Variants in DSCAM observed in about 807,000 individuals in gnomAD.
DSCAM encodes the protein DS cell adhesion molecule, also known as cell adhesion molecule DSCAM.
DSCAM carries 47 observed loss-of-function variants against 217.7 expected under a neutral mutation model. The observed-to-expected ratio is 0.22, with a 90% CI of 0.17 to 0.28. The LOEUF is 0.28. Among genes scored for constraint, DSCAM ranks in the 10% least tolerant of loss-of-function variants. DSCAM has a pLI of 1.00. For missense variants in DSCAM, 2,080 were observed against 2,618.3 expected (o/e 0.79, Z 4.49); for synonymous variants, 1,056 against 1,015.3 (o/e 1.04, Z -0.76).
Position 40,347,776 on chromosome 21 carries a change from T to G in DSCAM, c.1104A>C (p.Glu368Asp). ...KNVRITGINH[E>D]NLIMDHMVKS... ...TGACCATGTGATCCATTATAAGGTT[T>G]TCGTGGTTGATCCCTGTGATCCTCA... The change falls in exon 6 of 33, where the codon GAA becomes GAC. Residue 368 changes from glutamate to aspartate, a missense_variant. By Grantham distance (45) the Glu-to-Asp change is conservative (BLOSUM62 2). Transcript: ENST00000400454. 1 of 1,614,182 alleles carries G rather than the reference T, an allele frequency of 6.2e-7. No individual in the cohort carries two copies. The highest frequency in any genetic ancestry group is 8.5e-7 in the Non-Finnish European group (1 of 1,180,016).
intron 1 of DSCAM, among the ~76,000 whole-genome samples, chr21:40,758,093 G>C (rs939193453): frequency 6.6e-6 from 1 of 152,170 alleles, no homozygotes; most frequent in African/African-American, 2.4e-5. Context: ...GGGAGAACAC[G>C]GTATGATAGA....
intron 20 of DSCAM, among the ~76,000 whole-genome samples, chr21:40,113,067 G>A (rs1196795010): frequency 6.6e-6 from 1 of 152,168 alleles, no homozygotes; most frequent in Non-Finnish European, 1.5e-5. Context: ...CTCATTTTAT[G>A]AGGCCAGCAT....
At chr21:40,446,501 A>G (rs934374373) in intron 3 of DSCAM, among the ~76,000 whole-genome samples, 9 of 152,158 alleles carry the variant, frequency 5.9e-5, no homozygotes, top group African/African-American at 2.2e-4. Context: ...TCCGTTAAGC[A>G]CCCAGGGCCC....
chr21:40,376,490 G>A (rs1219917624), intron 3 of DSCAM, among the ~76,000 whole-genome samples: 2 of 103,082 alleles, frequency 1.9e-5, no homozygotes, highest in African/African-American at 3.9e-5. Context: ...ATCTTATATA[G>A]ATATCTATAT....
intron 8 of DSCAM, among the ~76,000 whole-genome samples, chr21:40,329,953 T>C (rs930609681): frequency 2.6e-5 from 4 of 151,930 alleles, no homozygotes; most frequent in Admixed American, 2.6e-4. Context: ...AGATCTATTG[T>C]ACAACATGGT....
At chr21:40,697,416 A>C (rs1276003127) in intron 2 of DSCAM, among the ~76,000 whole-genome samples, 5 of 152,110 alleles carry the variant, frequency 3.3e-5, no homozygotes, top group Admixed American at 3.3e-4. Flanking sequence ...GCCCAGACTA[A>C]TTTTCTATAG....
intron 3 of DSCAM, among the ~76,000 whole-genome samples, chr21:40,402,392 A>G (rs1227508252): frequency 6.6e-6 from 1 of 151,886 alleles, no homozygotes; most frequent in African/African-American, 2.4e-5. Flanking sequence ...TTTAAGACAA[A>G]TGGTATTAGA....
At chr21:40,083,792 G>A (rs769645428) in intron 24 of DSCAM, 116 bp downstream of exon 24, 203 of 651,332 alleles carry the variant, frequency 3.1e-4, no homozygotes, top group Non-Finnish European at 4.7e-4. Context: ...TTTATATGAC[G>A]TATTTTTGGG....
At chr21:40,705,354 C>A (rs1218141068) in intron 2 of DSCAM, among the ~76,000 whole-genome samples, 5 of 152,194 alleles carry the variant, frequency 3.3e-5, no homozygotes, top group Non-Finnish European at 7.3e-5. Flanking sequence ...TCCTCTACTG[C>A]CTGAGGTCCA....
At chr21:40,650,249 G>T (rs2089996801) in intron 3 of DSCAM, among the ~76,000 whole-genome samples, 1 of 152,092 alleles carries the variant, frequency 6.6e-6, no homozygotes, top group Admixed American at 6.5e-5. Context: ...GTCACATTTT[G>T]CATGATGTAG....
chr21:40,436,427 T>G (rs1459766343), intron 3 of DSCAM, among the ~76,000 whole-genome samples: 1 of 152,208 alleles, frequency 6.6e-6, no homozygotes, highest in Non-Finnish European at 1.5e-5. Flanking sequence ...CTGAGCTGAA[T>G]TCTCTCTGAA....
intron 3 of DSCAM, among the ~76,000 whole-genome samples, chr21:40,545,330 T>C (rs2076573362): frequency 1.3e-5 from 2 of 152,170 alleles, no homozygotes; most frequent in Admixed American, 1.3e-4. Flanking sequence ...ACCAAGGACC[T>C]ACAAAATATT....
chr21:40,344,882 T>C (rs971611491), intron 6 of DSCAM, among the ~76,000 whole-genome samples: 4 of 152,202 alleles, frequency 2.6e-5, no homozygotes, highest in Non-Finnish European at 5.9e-5. Context: ...CCTATTTTTC[T>C]GGGCCTCTAG....
At chr21:40,692,632 A>C (rs547165129) in intron 3 of DSCAM, among the ~76,000 whole-genome samples, 178 bp downstream of exon 3, 1 of 152,374 alleles carries the variant, frequency 6.6e-6, no homozygotes, top group Admixed American at 6.5e-5. Context: ...GTCTGAATCA[A>C]GCCATTATAA....
chr21:40,321,506 A>G (rs1200789943), intron 8 of DSCAM, among the ~76,000 whole-genome samples: 2 of 151,832 alleles, frequency 1.3e-5, no homozygotes, highest in Non-Finnish European at 2.9e-5. Context: ...GCTGCTATGT[A>G]TTGTCTACTC....
chr21:40,376,875 C>T (rs1013816230), intron 3 of DSCAM, among the ~76,000 whole-genome samples: 1 of 151,840 alleles, frequency 6.6e-6, no homozygotes, highest in Admixed American at 6.6e-5. Context: ...TCTAACCTGA[C>T]GTTATGAGCT....
chr21:40,271,938 C>T (rs1031426605), intron 11 of DSCAM, among the ~76,000 whole-genome samples: 2 of 152,162 alleles, frequency 1.3e-5, no homozygotes, highest in Non-Finnish European at 2.9e-5. Context: ...CATCCTTTCC[C>T]CTTTAAATTT....
intron 1 of DSCAM, among the ~76,000 whole-genome samples, chr21:40,803,772 TG>T: frequency 6.6e-6 from 1 of 151,328 alleles, no homozygotes; most frequent in Non-Finnish European, 1.5e-5. Context: ...AAGGGAAGAA[TG>T]GGGAAAAAAA....
chr21:40,811,811 A>G (rs577918623), intron 1 of DSCAM, among the ~76,000 whole-genome samples: 2 of 152,232 alleles, frequency 1.3e-5, no homozygotes, highest in Non-Finnish European at 2.9e-5. Context: ...GGCTGAGTAG[A>G]TTGCGTTGAA....
Sources: allele counts gnomAD v4.1 joint callset (sites outside exome capture counted in the v4.1 genomes callset), GRCh38; gene constraint gnomAD v4.1.1; transcripts MANE v1.5; gene names NCBI Gene and HGNC (gene_info 2026-07-23, HGNC 2026-07-21).